Variants in PAPPA2 observed in about 807,000 individuals in gnomAD.
The protein encoded by PAPPA2 is pappalysin-2.
A neutral mutation model predicts 176.4 loss-of-function variants in PAPPA2; 86 were observed. That is an observed-to-expected ratio of 0.49 (90% confidence interval 0.41 to 0.58). The LOEUF (loss-of-function observed/expected upper bound fraction) is 0.58, where lower values mean the gene tolerates loss of function less well. Ranked by LOEUF, PAPPA2 falls within the 20% of genes least tolerant of loss-of-function variation. The probability of loss-of-function intolerance (pLI) is 0.00; values close to 1 mark genes in which losing one functional copy is unlikely to be tolerated. For synonymous variants in PAPPA2, 809 were observed against 852.2 expected (o/e 0.95, Z 0.88); for missense variants, 2,073 against 2,256.9 (o/e 0.92, Z 1.65).
chr1:176,573,093 G>A (rs2102616442), intron 2 of PAPPA2, among the ~76,000 whole-genome samples: 2 of 152,222 alleles, frequency 1.3e-5, no homozygotes, highest in Middle Eastern at 3.4e-3. Context: ...CCTGTTGTGG[G>A]TGCCACCAGG....
intron 21 of PAPPA2, among the ~76,000 whole-genome samples, chr1:176,817,388 C>T (rs1033844958): frequency 1.3e-5 from 2 of 152,062 alleles, no homozygotes; most frequent in African/African-American, 4.8e-5. Flanking sequence ...TGAATGCTGC[C>T]GTGCTTGGGA....
At chr1:176,509,793 G>A (rs1350938335) in intron 1 of PAPPA2, among the ~76,000 whole-genome samples, 1 of 151,790 alleles carries the variant, frequency 6.6e-6, no homozygotes, top group East Asian at 1.9e-4. Context: ...GCTTGAGCCT[G>A]GAAATTTGAG....
chr1:176,507,791 G>A (rs1648365916), intron 1 of PAPPA2, among the ~76,000 whole-genome samples: 1 of 152,008 alleles, frequency 6.6e-6, no homozygotes, highest in Non-Finnish European at 1.5e-5. Flanking sequence ...AGAGGAGGGA[G>A]GGGAGGGAGG....
chr1:176,722,998 A>C (rs1314364950), intron 12 of PAPPA2, among the ~76,000 whole-genome samples: 2 of 152,320 alleles, frequency 1.3e-5, no homozygotes, highest in East Asian at 1.9e-4. Context: ...TGTTTGGCTC[A>C]TAGTTCTGGA....
chr1:176,747,341 GT>G (rs753742980), intron 14 of PAPPA2, among the ~76,000 whole-genome samples: 35 of 152,144 alleles, frequency 2.3e-4, no homozygotes, highest in Non-Finnish European at 4.6e-4. Flanking sequence ...GATGAAGTAG[GT>G]TACCAAGGGG....
intron 12 of PAPPA2, among the ~76,000 whole-genome samples, chr1:176,715,116 T>C (rs1037264095): frequency 6.6e-6 from 1 of 152,162 alleles, no homozygotes; most frequent in African/African-American, 2.4e-5. Context: ...CCCCTGCCAC[T>C]ATGACCTAGA....
chr1:176,822,968 T>G (rs73048197), intron 21 of PAPPA2, among the ~76,000 whole-genome samples: 1,648 of 152,338 alleles, frequency 0.011, 20 homozygotes, highest in African/African-American at 0.037. Context: ...AGTAATATTC[T>G]TCTTCAAAAC....
intron 14 of PAPPA2, among the ~76,000 whole-genome samples, chr1:176,758,378 T>C (rs1337656777): frequency 6.6e-6 from 1 of 152,184 alleles, no homozygotes; most frequent in Admixed American, 6.5e-5. Context: ...TTTTTTTCTC[T>C]ATTAGTTTGG....
At chr1:176,821,957 T>A (rs1391894923) in intron 21 of PAPPA2, among the ~76,000 whole-genome samples, 1 of 152,224 alleles carries the variant, frequency 6.6e-6, no homozygotes, top group Non-Finnish European at 1.5e-5. Flanking sequence ...TAGCATCAGG[T>A]TTGAAATCTA....
At chr1:176,829,319 G>A (rs1191633317) in intron 21 of PAPPA2, among the ~76,000 whole-genome samples, 3 of 152,072 alleles carry the variant, frequency 2.0e-5, no homozygotes, top group Non-Finnish European at 4.4e-5. Flanking sequence ...GCAAACAGCA[G>A]GAGGGCCAAG....
At chr1:176,711,599 C>T (rs556430441) in intron 11 of PAPPA2, among the ~76,000 whole-genome samples, 2 of 152,260 alleles carry the variant, frequency 1.3e-5, no homozygotes, top group Admixed American at 6.5e-5. Flanking sequence ...GTGTGTAAGA[C>T]CCCTGGGCCG....
At chr1:176,672,829 C>A (rs1659086706) in intron 4 of PAPPA2, among the ~76,000 whole-genome samples, 1 of 152,094 alleles carries the variant, frequency 6.6e-6, no homozygotes, top group Non-Finnish European at 1.5e-5. Flanking sequence ...GCCCTGCAGT[C>A]CTTTTATCAC....
At chr1:176,542,128 T>C (rs369381038) in intron 1 of PAPPA2, among the ~76,000 whole-genome samples, 19 of 152,332 alleles carry the variant, frequency 1.2e-4, no homozygotes, top group African/African-American at 4.6e-4. Context: ...TTGTAAATTA[T>C]TTCCTCTTAT....
At chr1:176,832,416 C>T (rs772670567) in intron 21 of PAPPA2, among the ~76,000 whole-genome samples, 9 of 152,138 alleles carry the variant, frequency 5.9e-5, no homozygotes, top group South Asian at 2.1e-4. Context: ...AGTGCAGTGG[C>T]GCGATCTCGG....
chr1:176,800,218 C>T (rs1221073346), intron 21 of PAPPA2, 86 bp downstream of exon 21: 1 of 1,301,130 alleles, frequency 7.7e-7, no homozygotes, highest in African/African-American at 1.5e-5. Context: ...AATTTAGGAC[C>T]TGGTCCCTCT....
chr1:176,818,233 T>A (rs1329777840), intron 21 of PAPPA2, among the ~76,000 whole-genome samples: 1 of 152,154 alleles, frequency 6.6e-6, no homozygotes, highest in Non-Finnish European at 1.5e-5. Flanking sequence ...TTATTGGCTT[T>A]GAGTAATAAT....
chr1:176,473,808 C>T (rs566680621), intron 1 of PAPPA2, among the ~76,000 whole-genome samples: 2 of 152,266 alleles, frequency 1.3e-5, no homozygotes, highest in South Asian at 4.1e-4. Context: ...TTTTCGTATG[C>T]TTATTTACCA....
At chr1:176,709,935 G>A (rs1008184978) in intron 10 of PAPPA2, 48 bp from the exon 11 acceptor site, 1 of 1,494,294 alleles carries the variant, frequency 6.7e-7, no homozygotes. Flanking sequence ...TTTTTTTCAT[G>A]ACATTTATGA....
chr1:176,680,379 C>T (rs557812105), intron 4 of PAPPA2, among the ~76,000 whole-genome samples: 1 of 152,044 alleles, frequency 6.6e-6, no homozygotes, highest in African/African-American at 2.4e-5. Context: ...ACTATTGTAA[C>T]ATATACATAT....
Sources: allele counts gnomAD v4.1 joint callset (sites outside exome capture counted in the v4.1 genomes callset), GRCh38; gene constraint gnomAD v4.1.1; transcripts MANE v1.5; gene names NCBI Gene and HGNC (gene_info 2026-07-23, HGNC 2026-07-21).